Variants in DYNC1I2 observed in about 807,000 individuals in gnomAD.
The protein encoded by DYNC1I2 is dynein cytoplasmic 1 intermediate chain 2, also known as cytoplasmic dynein 1 intermediate chain 2.
Under a neutral mutation model 88.6 loss-of-function variants are expected in DYNC1I2, and 53 were observed. That is an observed-to-expected ratio of 0.60 (90% confidence interval 0.48 to 0.75). The LOEUF (loss-of-function observed/expected upper bound fraction) is 0.75. Ranked by LOEUF, DYNC1I2 falls within the 30% of genes least tolerant of loss-of-function variation. The probability of loss-of-function intolerance (pLI) is 0.00; values close to 1 mark genes in which losing one functional copy is unlikely to be tolerated. For synonymous variants in DYNC1I2, 198 were observed against 254.6 expected (o/e 0.78, Z 2.12); for missense variants, 458 against 766.6 (o/e 0.60, Z 4.75).
chr2:171,707,116 C>G, intron 4 of DYNC1I2, 171 bp from the exon 5 acceptor site: 11 of 897,742 alleles, frequency 1.2e-5, no homozygotes, highest in Non-Finnish European at 1.9e-5. Context: ...AACTTTTTGT[C>G]TTTTCCCCTT....
rs73976509 is a variant in DYNC1I2 at position 171,743,645 on chromosome 2, C to A, written c.1537-404C>A. Among the ~76,000 whole-genome samples the A allele has an allele frequency of 3.4e-3, 520 of 152,314 alleles. 2 individuals are homozygous for A. Among genetic ancestry groups the A allele is most frequent in the African/African-American group, 0.011 (472 of 41,564 alleles). On this transcript the variant is annotated intron_variant, in intron 15 of 17. Coordinates refer to ENST00000397119, the MANE Select transcript of DYNC1I2 (RefSeq NM_001378.3). ...TTATTTGGAAGTTTGTCTCCTGATT[C>A]TGCTGTAGATGCTGTCTGTGAATCT...
chr2:171,741,819 C>T (rs1219377222), intron 15 of DYNC1I2, among the ~76,000 whole-genome samples: 1 of 152,120 alleles, frequency 6.6e-6, no homozygotes, highest in Non-Finnish European at 1.5e-5. Context: ...CGGTGGCTCA[C>T]GCTTGTAATC....
At chr2:171,715,209 T>C in intron 6 of DYNC1I2, 119 bp from the exon 7 acceptor site, 1 of 574,432 alleles carries the variant, frequency 1.7e-6, no homozygotes, top group East Asian at 2.9e-5. Context: ...CTAAAATTTC[T>C]TGAATAAAAT....
At chr2:171,726,148 A>C (rs1207333602) in intron 9 of DYNC1I2, 46 bp from the exon 10 acceptor site, 1 of 1,578,488 alleles carries the variant, frequency 6.3e-7, no homozygotes, top group Admixed American at 1.9e-5. Flanking sequence ...AAGAGTGATA[A>C]AAGTTATAAC....
chr2:171,700,018 C>G (rs1022913961), intron 3 of DYNC1I2, among the ~76,000 whole-genome samples: 1 of 152,068 alleles, frequency 6.6e-6, no homozygotes, highest in African/African-American at 2.4e-5. Context: ...TTCTGCTGGT[C>G]AAGAATTTGG....
At chr2:171,727,780 T>C in intron 11 of DYNC1I2, 41 bp from the exon 12 acceptor site, 1 of 1,587,924 alleles carries the variant, frequency 6.3e-7, no homozygotes, top group Non-Finnish European at 8.6e-7. Context: ...TCAGGCATTT[T>C]CCATTTGAAT....
intron 7 of DYNC1I2, among the ~76,000 whole-genome samples, chr2:171,718,578 C>T (rs959992637): frequency 1.3e-5 from 2 of 152,036 alleles, no homozygotes; most frequent in Non-Finnish European, 2.9e-5. Context: ...GGACTACAGG[C>T]ACCCGCCACC....
At position 171,733,459 on chromosome 2, in the gene DYNC1I2, C is replaced by CTTTTTTTTTTTTTTTTTTTTTTTTT. The variant is rs61079902; in HGVS notation, c.1536+3612_1536+3636dup. 3.0e-4 allele frequency among the ~76,000 whole-genome samples: 17 copies of CTTTTTTTTTTTTTTTTTTTTTTTTT among 55,802 alleles called. 3 individuals are homozygous for CTTTTTTTTTTTTTTTTTTTTTTTTT. The highest frequency in any genetic ancestry group is 4.4e-4 in the Non-Finnish European group (14 of 31,496). 36.6% of individuals were successfully genotyped at this position (55,802 alleles called of 152,430 possible). On this transcript the variant is annotated intron_variant, in intron 15 of 17. Coordinates refer to ENST00000397119, the MANE Select transcript of DYNC1I2 (RefSeq NM_001378.3). ...TTTTTCTCCACAACCTTGCCAGCAT[C>CTTTTTTTTTTTTTTTTTTTTTTTTT]TTTTTTTTTTTTTTTTTTTTTTTTT... is the stretch of plus-strand genomic sequence containing the variant.
At chr2:171,734,978 C>G (rs974932087) in intron 15 of DYNC1I2, among the ~76,000 whole-genome samples, 2 of 152,200 alleles carry the variant, frequency 1.3e-5, no homozygotes, top group African/African-American at 4.8e-5. Context: ...AGTCTTCACA[C>G]TCATGAATTT....
At chr2:171,697,942 T>C (rs577126753) in intron 3 of DYNC1I2, among the ~76,000 whole-genome samples, 2 of 152,224 alleles carry the variant, frequency 1.3e-5, no homozygotes, top group African/African-American at 2.4e-5. Flanking sequence ...ATAAGTGATG[T>C]TGTGTCCTTC....
At chr2:171,708,872 T>G (rs1215950706) in intron 5 of DYNC1I2, among the ~76,000 whole-genome samples, 1 of 151,974 alleles carries the variant, frequency 6.6e-6, no homozygotes, top group African/African-American at 2.4e-5. Flanking sequence ...TTTGTATTTT[T>G]TATAGAGACA....
At position 171,728,393 on chromosome 2, in the gene DYNC1I2, G is replaced by A. The variant is rs1420031262; in HGVS notation, c.1232G>A (p.Ser411Asn). 2.5e-6 allele frequency: 4 copies of A among 1,596,482 alleles called. No individual in the cohort carries two copies. The highest frequency in any genetic ancestry group is 1.8e-5 in the Admixed American group (1 of 56,432). The part of the protein sequence containing the change: ...ISTDGKICSW[S>N]LDMLSHPQDS... The stretch of plus-strand genomic sequence containing the variant: ...ACTGATGGAAAAATTTGTTCATGGA[G>A]TCTGGACATGCTTTCCCATCCACAG... The change falls in exon 13 of 18, where the codon AGT (serine) becomes AAT (asparagine). Residue 411 changes from serine to asparagine, a missense_variant. Coordinates refer to ENST00000397119, the MANE Select transcript of DYNC1I2 (RefSeq NM_001378.3).
At position 171,692,906 on chromosome 2, in the gene DYNC1I2, A is replaced by G; in HGVS notation, c.226+12A>G. ...AGAATCCCCCATTGGTAAGGTTAAG[A>G]ATATATCCATTTATAAGAGATAGGC... On this transcript the variant is annotated intron_variant, in intron 3 of 17. Coordinates refer to ENST00000397119, the MANE Select transcript of DYNC1I2 (RefSeq NM_001378.3). 1 of 1,552,700 alleles carries G rather than the reference A, an allele frequency of 6.4e-7. No individual in the cohort carries two copies.
At chr2:171,706,857 ATAACT>A (rs1187848350) in intron 4 of DYNC1I2, 6 of 410,256 alleles carry the variant, frequency 1.5e-5, no homozygotes, top group South Asian at 4.8e-5. Context: ...TAGAGATTAA[ATAACT>A]TAATGAAACA....
intron 6 of DYNC1I2, 21 bp downstream of exon 6, chr2:171,712,847 C>T: frequency 6.3e-7 from 1 of 1,596,850 alleles, no homozygotes; most frequent in Non-Finnish European, 8.6e-7. Context: ...GATTTTTTAC[C>T]TTCCCTGTTT....
At position 171,689,437 on chromosome 2, in the gene DYNC1I2, A is replaced by G. The variant is rs373058516; in HGVS notation, c.-9-710A>G. ...TTTTTATCAAGTTTCTATGAATGCA[A>G]TAGAATTGGTAATAGTTTTGATCTG... On this transcript the variant is annotated intron_variant, in intron 1 of 17. Transcript: ENST00000397119. Among the ~76,000 whole-genome samples the G allele has an allele frequency of 2.2e-4, 33 of 152,316 alleles. 1 individual carries two copies. In the East Asian group the frequency reaches 4.8e-3, roughly 22 times the overall value.
Position 171,690,322 on chromosome 2 carries a change from T to C in DYNC1I2, c.108+59T>C, listed in dbSNP as rs1328513724. ...TAAAGTAATTGGGTTTTATTTCACA[T>C]ATTTATATATTTACATATAGGTTGG... On this transcript the variant is annotated intron_variant, in intron 2 of 17. Coordinates refer to ENST00000397119, the MANE Select transcript of DYNC1I2 (RefSeq NM_001378.3). 5.7e-6 allele frequency: 7 copies of C among 1,233,418 alleles called. No individual in the cohort carries two copies. The East Asian group carries it at 1.0e-4, about 18-fold the overall frequency. 76.4% of individuals were successfully genotyped at this position (1,233,418 alleles called of 1,614,324 possible).
At chr2:171,692,675 A>G (rs967985346) in intron 2 of DYNC1I2, 102 bp from the exon 3 acceptor site, 6 of 720,500 alleles carry the variant, frequency 8.3e-6, no homozygotes, top group Non-Finnish European at 1.4e-5. Context: ...AACTAAGTTC[A>G]TGCCTTAAAA....
chr2:171,744,242 A>G (rs117313237), intron 16 of DYNC1I2, 53 bp downstream of exon 16: 28,555 of 1,528,628 alleles, frequency 0.019, 395 homozygotes, highest in Admixed American at 0.081. Context: ...TTGGATATTT[A>G]TTGAATAATT....
Sources: gnomAD v4.1 joint callset for allele counts (sites outside exome capture counted in the v4.1 genomes callset) on GRCh38, gnomAD v4.1.1 for gene constraint, MANE v1.5 for transcripts, NCBI Gene and HGNC (gene_info 2026-07-23, HGNC 2026-07-21) for gene names.